PAPPA2: variants seen among roughly 807,000 people sequenced by gnomAD.
PAPPA2 encodes pappalysin-2.
In PAPPA2, 86 loss-of-function variants were observed where a neutral mutation model predicts 176.4. That is an observed-to-expected ratio of 0.49 (90% CI 0.41 to 0.58). PAPPA2 has a LOEUF of 0.58. Ranked by LOEUF, PAPPA2 falls within the 20% of genes least tolerant of loss-of-function variation. The pLI is 0.00. For synonymous variants in PAPPA2, 809 were observed against 852.2 expected, an observed-to-expected ratio of 0.95 and a Z score of 0.88; for missense variants, 2,073 against 2,256.9, an observed-to-expected ratio of 0.92 and a Z score of 1.65.
intron 8 of PAPPA2, among the ~76,000 whole-genome samples, chr1:176,700,631 G>A (rs1309368288): frequency 4.6e-5 from 7 of 152,224 alleles, no homozygotes; most frequent in Non-Finnish European, 8.8e-5. Context: ...CAGCAGCAGA[G>A]AGGGCAAGCC....
chr1:176,692,231 TC>T lies in PAPPA2; in HGVS notation c.2541del (p.Ile848PhefsTer93), dbSNP rs1469269967. ...QWTESRKPTP[I>X]PIPPMVIGQT... ...ACTGAAAGCAGAAAGCCCACCCCCA[TC>T]CCCATTCCACCTATGGTCATCGGAC... is the stretch of plus-strand genomic sequence containing the variant. On this transcript the variant is annotated frameshift_variant, in exon 6 of 23. Coordinates refer to ENST00000367662, the MANE Select transcript of PAPPA2 (RefSeq NM_020318.3). LOFTEE classifies it high-confidence loss of function. 60 of 1,613,790 alleles carry T rather than the reference TC, an allele frequency of 3.7e-5. No individual in the cohort carries two copies. The highest frequency in any genetic ancestry group is 4.7e-5 in the Non-Finnish European group (56 of 1,179,874).
At chr1:176,664,568 C>T (rs1658526130) in intron 3 of PAPPA2, among the ~76,000 whole-genome samples, 2 of 152,114 alleles carry the variant, frequency 1.3e-5, no homozygotes, top group Non-Finnish European at 2.9e-5. Context: ...GTCCTTTTTG[C>T]CATGTAAGAT....
chr1:176,489,523 T>C (rs1376072139), intron 1 of PAPPA2, among the ~76,000 whole-genome samples: 1 of 152,206 alleles, frequency 6.6e-6, no homozygotes. Context: ...GGTAGGTAAA[T>C]GCCTGAAATC....
At chr1:176,809,965 TG>T in intron 21 of PAPPA2, among the ~76,000 whole-genome samples, 2 of 149,330 alleles carry the variant, frequency 1.3e-5, no homozygotes, top group Non-Finnish European at 3.0e-5. Flanking sequence ...TGTGTGTGTG[TG>T]TGTGTGTGTG....
At chr1:176,666,046 T>A (rs1658623082) in intron 3 of PAPPA2, among the ~76,000 whole-genome samples, 1 of 152,116 alleles carries the variant, frequency 6.6e-6, no homozygotes, top group South Asian at 2.1e-4. Flanking sequence ...GGGCTCCCAA[T>A]GGTGAGCATG....
At chr1:176,842,359 A>C in intron 22 of PAPPA2, 21 bp from the exon 23 acceptor site, 1 of 1,604,730 alleles carries the variant, frequency 6.2e-7, no homozygotes, top group Non-Finnish European at 8.5e-7. Context: ...AGCTATTTCT[A>C]CTTCCCTTTC....
chr1:176,509,859 CA>C (rs139282195), intron 1 of PAPPA2, among the ~76,000 whole-genome samples: 8 of 147,590 alleles, frequency 5.4e-5, no homozygotes, highest in Admixed American at 1.4e-4. Flanking sequence ...AACAAACAAA[CA>C]AAAAAAAACA....
In PAPPA2 at chr1:176,545,050, C is replaced by T. The variant is rs114194131; in HGVS notation, c.-916-10357C>T. Among the ~76,000 whole-genome samples, 1,200 of 152,224 alleles carry T rather than the reference C, an allele frequency of 7.9e-3. 14 individuals are homozygous for T. The highest frequency in any genetic ancestry group is 0.027 in the African/African-American group (1,125 of 41,506). On this transcript the variant is annotated intron_variant, in intron 1 of 22. Transcript: ENST00000367662. ...TCTTCCTTTTGGGTTTTTATCTAGC[C>T]GTGATTGATTAAATCATTAGCCGTT...
Position 176,670,992 on chromosome 1 carries a change from C to T in PAPPA2, c.2014C>T (p.Leu672=). Residue 672 remains leucine, a synonymous_variant, in exon 4 of 23, where the codon CTG becomes TTG. Coordinates refer to ENST00000367662, the MANE Select transcript of PAPPA2 (RefSeq NM_020318.3). ...TAGGGCATACATGAGTGTGAAGGAG[C>T]TGAAGGAGGCCCTGCAGCTGAACAG... ...PKRAYMSVKE[L]KEALQLNSTH... The T allele has an allele frequency of 6.2e-7, 1 of 1,613,802 alleles. No individual in the cohort carries two copies. Among genetic ancestry groups the T allele is most frequent in the Admixed American group, 1.7e-5 (1 of 59,994 alleles).
At chr1:176,627,139 G>A (rs1656073946) in intron 3 of PAPPA2, among the ~76,000 whole-genome samples, 1 of 152,042 alleles carries the variant, frequency 6.6e-6, no homozygotes, top group Non-Finnish European at 1.5e-5. Flanking sequence ...CTCTGTTCTT[G>A]AGGCATCTAG....
chr1:176,471,655 ACTTT>A (rs1257790054), intron 1 of PAPPA2, among the ~76,000 whole-genome samples: 2 of 152,054 alleles, frequency 1.3e-5, no homozygotes, highest in East Asian at 3.8e-4. Context: ...TTTCACCACA[ACTTT>A]AGTTGTGGTT....
chr1:176,797,072 C>A (rs1332507137), intron 20 of PAPPA2, among the ~76,000 whole-genome samples: 1 of 152,274 alleles, frequency 6.6e-6, no homozygotes, highest in Non-Finnish European at 1.5e-5. Context: ...CTCAATCATG[C>A]AAGAAGTTGC....
chr1:176,509,872 C>CA (rs113886691), intron 1 of PAPPA2, among the ~76,000 whole-genome samples: 12,028 of 150,624 alleles, frequency 0.08, 582 homozygotes, highest in South Asian at 0.15. Context: ...AAAAAAACAA[C>CA]AAAAAAAACA....
At chr1:176,645,581 G>T (rs1448869097) in intron 3 of PAPPA2, among the ~76,000 whole-genome samples, 1 of 151,632 alleles carries the variant, frequency 6.6e-6, no homozygotes, top group African/African-American at 2.4e-5. Flanking sequence ...TCATTATATT[G>T]ATTTCTTTTC....
At chr1:176,775,743 C>T (rs989187508) in intron 17 of PAPPA2, among the ~76,000 whole-genome samples, 4 of 152,180 alleles carry the variant, frequency 2.6e-5, no homozygotes, top group African/African-American at 7.2e-5. Flanking sequence ...CTACCATGTA[C>T]AGCCAAGGTC....
intron 21 of PAPPA2, among the ~76,000 whole-genome samples, chr1:176,839,454 C>T (rs1667398799): frequency 6.6e-6 from 1 of 152,164 alleles, no homozygotes; most frequent in African/African-American, 2.4e-5. Flanking sequence ...GGAAACAGTA[C>T]AGCTTTCTCT....
At chr1:176,828,164 A>G (rs1666929399) in intron 21 of PAPPA2, among the ~76,000 whole-genome samples, 2 of 152,174 alleles carry the variant, frequency 1.3e-5, no homozygotes, top group African/African-American at 4.8e-5. Flanking sequence ...ATTCCCTATC[A>G]TCGTGATCAG....
chr1:176,840,366 T>C, intron 22 of PAPPA2, 95 bp downstream of exon 22: 1 of 962,694 alleles, frequency 1.0e-6, no homozygotes, highest in Non-Finnish European at 1.6e-6. Flanking sequence ...TAATAATGGG[T>C]TTGTATTCAA....
chr1:176,710,106 G>T lies in PAPPA2; in HGVS notation c.3581G>T (p.Arg1194Leu). Residue 1194 changes from arginine (R) to leucine (L), a missense_variant, in exon 11 of 23, where the codon CGG becomes CTG. Arg to Leu is a moderately radical substitution (Grantham distance 102). Around this residue, in one of 4 missense-constraint regions of PAPPA2, gnomAD observed 846 missense variants for 857.9 expected, o/e 0.99. Transcript: ENST00000367662. The stretch of plus-strand genomic sequence containing the variant: ...GGATACTTGGATCAATGGGCTACCC[G>T]GGCTTACTCCTCTCATGAAGACAAG... ...PKGYLDQWATRAYSSHEDKKK... is the reference protein window; with the variant it reads ...PKGYLDQWATLAYSSHEDKKK... The T allele has an allele frequency of 1.2e-6, 2 of 1,613,826 alleles. No homozygotes were observed. The highest frequency in any genetic ancestry group is 1.7e-6 in the Non-Finnish European group (2 of 1,179,812).
Sources: allele counts gnomAD v4.1 joint callset (sites outside exome capture counted in the v4.1 genomes callset), GRCh38; gene constraint gnomAD v4.1.1; regional missense constraint gnomAD v4.1.1; transcripts MANE v1.5; gene names NCBI Gene and HGNC (gene_info 2026-07-23, HGNC 2026-07-21).